The following CD58 variants were observed in gnomAD, a reference collection of about 807,000 sequenced individuals.
CD58 encodes CD58 molecule, also known as lymphocyte function-associated antigen 3.
In CD58, 14 loss-of-function variants were observed where a neutral mutation model predicts 27.6. That is an observed-to-expected ratio of 0.51 (90% CI 0.34 to 0.79). CD58 has a LOEUF of 0.79. Ranked by LOEUF, CD58 falls within the 30% of genes least tolerant of loss-of-function variation. The pLI, the probability that CD58 is intolerant of heterozygous loss-of-function variation, is 0.02. For missense variants in CD58, 268 were observed against 301.7 expected (o/e 0.89, Z 0.83); for synonymous variants, 117 against 103.8 (o/e 1.13, Z -0.77).
intron 2 of CD58, among the ~76,000 whole-genome samples, chr1:116,537,969 G>C (rs1052655220): frequency 6.6e-6 from 1 of 152,168 alleles, no homozygotes; most frequent in African/African-American, 2.4e-5. Flanking sequence ...ACAAGTTAAT[G>C]CTTATGCTCC....
At chr1:116,548,672 TAAATTTTTGACTGCTCAAGGGGTTGG>T (rs1658279229) in intron 1 of CD58, among the ~76,000 whole-genome samples, 1 of 152,202 alleles carries the variant, frequency 6.6e-6, no homozygotes, top group African/African-American at 2.4e-5. Context: ...GAGTTATACA[TAAATTTTTGACTGCTCAAGGGGTTGG>T]TGCCCCTAAT....
Position 116,532,858 on chromosome 1 carries a change from C to T in CD58, c.628+3107G>A. On this transcript the variant is annotated intron_variant, in intron 3 of 5. Transcript: ENST00000369489. This position sits in a 1 kb window ranked among gnomAD's most constrained non-coding sequence, Gnocchi z 5.1. ...AAGCGCTGTCGACGGGATTGTGCCGCATGCGGCAAAGACTGAGGCCTCCCG... is the reference window on the plus strand; with the variant it reads ...AAGCGCTGTCGACGGGATTGTGCCGTATGCGGCAAAGACTGAGGCCTCCCG... The T allele has an allele frequency of 1.6e-6, 1 of 634,528 alleles. No homozygotes were observed. The highest frequency in any genetic ancestry group is 2.8e-6 in the Non-Finnish European group (1 of 353,720). The allele number at this position is 634,528 out of a possible 1,614,324, so 39.3% of individuals were successfully genotyped here. A position where few individuals can be genotyped will look rare whatever the true frequency, so the allele number is the denominator to read the frequency against.
chr1:116,532,978 G>C lies in CD58; in HGVS notation c.628+2987C>G. ...CCGCCGGCTGGCTGGGTTCCTTGTTGGGATTAATTTCCACCTCATCCTCAT... is the reference window on the plus strand; with the variant it reads ...CCGCCGGCTGGCTGGGTTCCTTGTTCGGATTAATTTCCACCTCATCCTCAT... On this transcript the variant is annotated intron_variant, in intron 3 of 5. Transcript: ENST00000369489. The surrounding 1 kb of genome is among the most constrained non-coding windows in gnomAD (Gnocchi z 5.1). 1 of 900,046 alleles carries C rather than the reference G, an allele frequency of 1.1e-6. No homozygotes were observed. Among genetic ancestry groups the C allele is most frequent in the Non-Finnish European group, 1.8e-6 (1 of 568,200 alleles). The allele number at this position is 900,046 out of a possible 1,614,324, so 55.8% of individuals were successfully genotyped here. A position where few individuals can be genotyped will look rare whatever the true frequency, so the allele number is the denominator to read the frequency against.
At chr1:116,551,416 A>G (rs1483611498) in intron 1 of CD58, among the ~76,000 whole-genome samples, 3 of 152,214 alleles carry the variant, frequency 2.0e-5, no homozygotes, top group Admixed American at 6.5e-5. Context: ...AGATCTCATG[A>G]ACTAACCTCT....
intron 1 of CD58, among the ~76,000 whole-genome samples, chr1:116,567,408 G>A (rs908557861): frequency 4.6e-5 from 7 of 151,962 alleles, no homozygotes; most frequent in African/African-American, 1.7e-4. Context: ...GGCCAAGGAG[G>A]GAGGATCACT....
chr1:116,562,547 T>C (rs1658789978), intron 1 of CD58, among the ~76,000 whole-genome samples: 1 of 152,108 alleles, frequency 6.6e-6, no homozygotes, highest in Admixed American at 6.6e-5. Context: ...ATGACATACA[T>C]GAGACTGGGT....
At position 116,522,647 on chromosome 1, in the gene CD58, T is replaced by C. The variant is rs1191251813; in HGVS notation, c.629-664A>G. ...CTTGACTCTGTAGAACTAATATGAA[T>C]AACAAGATTCGACTATTTCTAAACA... On this transcript the variant is annotated intron_variant, in intron 3 of 5. Transcript: ENST00000369489. The surrounding 1 kb of genome is among the most constrained non-coding windows in gnomAD (Gnocchi z 4.6). Among the ~76,000 whole-genome samples the C allele has an allele frequency of 2.6e-5, 4 of 152,182 alleles. No individual in the cohort carries two copies. Among genetic ancestry groups the C allele is most frequent in the African/African-American group, 4.8e-5 (2 of 41,434 alleles).
intron 1 of CD58, among the ~76,000 whole-genome samples, chr1:116,562,517 C>CACTGCTAATAATGA (rs1658789121): frequency 6.6e-6 from 1 of 152,004 alleles, no homozygotes; most frequent in Non-Finnish European, 1.5e-5. Flanking sequence ...GTGTATTAGT[C>CACTGCTAATAATGA]CATTCTCGCA....
In CD58 at chr1:116,519,493, A is replaced by G. The variant is rs1046820374; in HGVS notation, c.707-226T>C. Among the ~76,000 whole-genome samples the G allele has an allele frequency of 1.3e-5, 2 of 152,172 alleles. No homozygotes were observed. The highest frequency in any genetic ancestry group is 4.8e-5 in the African/African-American group (2 of 41,432). On this transcript the variant is annotated intron_variant, in intron 4 of 5. Coordinates refer to ENST00000369489, the MANE Select transcript of CD58 (RefSeq NM_001779.3). This position sits in a 1 kb window ranked among gnomAD's most constrained non-coding sequence, Gnocchi z 4.7. ...ACATGATAGAAAACCAAATGCAAAAACTGTTGACAAAATGGCTAATTTTAC... is the reference window on the plus strand; with the variant it reads ...ACATGATAGAAAACCAAATGCAAAAGCTGTTGACAAAATGGCTAATTTTAC...
rs537528341 is a variant in CD58 at position 116,564,129 on chromosome 1, TAA to T, written c.70+6772_70+6773del. On this transcript the variant is annotated intron_variant, in intron 1 of 5. Coordinates refer to ENST00000369489, the MANE Select transcript of CD58 (RefSeq NM_001779.3). ...TAGAAATTTCTTCCACCAGATGCCC[TAA>T]ATAATTTCTCTCAAGTTCAAAGTTC... 3.0e-3 allele frequency among the ~76,000 whole-genome samples: 455 copies of T among 152,316 alleles called. 3 individuals are homozygous for T. Among genetic ancestry groups the T allele is most frequent in the African/African-American group, 0.01 (424 of 41,570 alleles).
chr1:116,545,727 A>G (rs1167761593), intron 1 of CD58, among the ~76,000 whole-genome samples: 4 of 152,216 alleles, frequency 2.6e-5, no homozygotes, highest in Non-Finnish European at 5.9e-5. Flanking sequence ...CTATTAGGGA[A>G]CATCTAGTAA....
rs957101297 is a variant in CD58, at chr1:116,514,717, T to G, written c.*96A>C. On this transcript the variant is annotated 3_prime_UTR_variant, in exon 6 of 6. Coordinates refer to ENST00000369489, the MANE Select transcript of CD58 (RefSeq NM_001779.3). ...CTGCTTCAAGTTACATTTCCAACAG[T>G]TGTTCAAAAATTGTAATACTCAAAT... The G allele has an allele frequency of 1.3e-6, 1 of 741,418 alleles. No homozygotes were observed. The highest frequency in any genetic ancestry group is 1.8e-5 in the African/African-American group (1 of 55,712). The allele number at this position is 741,418 out of a possible 1,614,324, so 45.9% of individuals were successfully genotyped here. A position where few individuals can be genotyped will look rare whatever the true frequency, so the allele number is the denominator to read the frequency against.
intron 1 of CD58, among the ~76,000 whole-genome samples, chr1:116,556,835 G>A (rs1658584610): frequency 6.6e-6 from 1 of 152,220 alleles, no homozygotes; most frequent in Admixed American, 6.5e-5. Context: ...GCGCACCAGT[G>A]AGCCTACAGG....
rs934841802 is a variant in CD58, at chr1:116,550,202, T to C, written c.71-5598A>G. On this transcript the variant is annotated intron_variant, in intron 1 of 5. Coordinates refer to ENST00000369489, the MANE Select transcript of CD58 (RefSeq NM_001779.3). The surrounding 1 kb of genome is among the most constrained non-coding windows in gnomAD (Gnocchi z 4.2). Reference sequence around the variant, plus strand: ...GAAGACAATGATGAGTTTTGCTGCATCAATGGACCCTTCCTTTCACAAAAT... The same window carrying C: ...GAAGACAATGATGAGTTTTGCTGCACCAATGGACCCTTCCTTTCACAAAAT... Among the ~76,000 whole-genome samples, 2 of 152,206 alleles carry C rather than the reference T, an allele frequency of 1.3e-5. No homozygotes were observed. The highest frequency in any genetic ancestry group is 4.8e-5 in the African/African-American group (2 of 41,456).
At chr1:116,568,832 C>T (rs1322735714) in intron 1 of CD58, among the ~76,000 whole-genome samples, 1 of 152,188 alleles carries the variant, frequency 6.6e-6, no homozygotes, top group Non-Finnish European at 1.5e-5. Flanking sequence ...AGGAGTGGGG[C>T]CAGGATCCAA....
intron 2 of CD58, among the ~76,000 whole-genome samples, chr1:116,542,570 G>A (rs1658025333): frequency 1.3e-5 from 2 of 152,212 alleles, no homozygotes; most frequent in African/African-American, 2.4e-5. Context: ...ACAGCAGGTG[G>A]TGGTGGCTGG....
At chr1:116,533,191 C>T in intron 3 of CD58, 1 of 753,334 alleles carries the variant, frequency 1.3e-6, no homozygotes, top group South Asian at 1.4e-5. Flanking sequence ...TCTCCGTCCC[C>T]AGATGCTTTC....
intron 1 of CD58, among the ~76,000 whole-genome samples, chr1:116,561,910 C>T (rs1658769366): frequency 6.6e-6 from 1 of 152,204 alleles, no homozygotes; most frequent in Non-Finnish European, 1.5e-5. Context: ...TGGCACAGAG[C>T]AGGTACTTAC....
At position 116,531,129 on chromosome 1, in the gene CD58, TATG is replaced by T. The variant is rs968485038; in HGVS notation, c.628+4833_628+4835del. Among the ~76,000 whole-genome samples, 5 of 152,234 alleles carry T rather than the reference TATG, an allele frequency of 3.3e-5. No individual in the cohort carries two copies. Among genetic ancestry groups the T allele is most frequent in the Non-Finnish European group, 7.3e-5 (5 of 68,038 alleles). ...TCAATAAGAGGAATATCATTCCTCT[TATG>T]ATCTTTTACCAGACTATTTACAGGG... On this transcript the variant is annotated intron_variant, in intron 3 of 5. Transcript: ENST00000369489. This position sits in a 1 kb window ranked among gnomAD's most constrained non-coding sequence, Gnocchi z 4.5.
Sources: gnomAD v4.1 joint callset for allele counts (sites outside exome capture counted in the v4.1 genomes callset) on GRCh38, gnomAD v4.1.1 for gene constraint, Gnocchi (gnomAD v3.1) non-coding constraint, MANE v1.5 for transcripts, NCBI Gene and HGNC (gene_info 2026-07-23, HGNC 2026-07-21) for gene names.